The following ASIC2 variants were observed in gnomAD, a reference collection of about 807,000 sequenced individuals.
ASIC2 encodes the protein acid-sensing ion channel 2.
Under a neutral mutation model 57.3 loss-of-function variants are expected in ASIC2, and 25 were observed. The observed-to-expected ratio is 0.44, with a 90% CI of 0.32 to 0.61. The LOEUF (loss-of-function observed/expected upper bound fraction) is 0.61. Ranked by LOEUF, ASIC2 falls within the 20% of genes least tolerant of loss-of-function variation. The pLI, the probability that ASIC2 is intolerant of heterozygous loss-of-function variation, is 0.06. For missense variants in ASIC2, 641 were observed against 738.1 expected, an observed-to-expected ratio of 0.87 and a Z score of 1.52; for synonymous variants, 319 against 307.5, an observed-to-expected ratio of 1.04 and a Z score of -0.39.
At chr17:33,117,186 T>G (rs2092284548) in intron 1 of ASIC2, among the ~76,000 whole-genome samples, 1 of 151,374 alleles carries the variant, frequency 6.6e-6, no homozygotes, top group South Asian at 2.1e-4. Flanking sequence ...TTCTTCTTTT[T>G]TTTTGAGACA....
intron 3 of ASIC2, among the ~76,000 whole-genome samples, chr17:33,065,435 A>G (rs1304270409): frequency 1.3e-5 from 2 of 151,910 alleles, no homozygotes; most frequent in African/African-American, 2.4e-5. Context: ...TCAGCCTCTC[A>G]AATAGCTAGG....
At chr17:33,926,629 T>TA (rs1915827076) in intron 1 of ASIC2, among the ~76,000 whole-genome samples, 1 of 152,348 alleles carries the variant, frequency 6.6e-6, no homozygotes, top group East Asian at 1.9e-4. Context: ...ATTTTGATGC[T>TA]ACCTAAAGCA....
intron 1 of ASIC2, among the ~76,000 whole-genome samples, chr17:33,902,836 C>A (rs772357064): frequency 6.6e-6 from 1 of 152,170 alleles, no homozygotes; most frequent in East Asian, 1.9e-4. Flanking sequence ...CTGTTAAGGT[C>A]CTGCCATTTC....
rs150393231 is a variant in ASIC2, at chr17:33,593,992, T to G, written c.556-481925A>C. On this transcript the variant is annotated intron_variant, in intron 1 of 9. Transcript: ENST00000359872. ...CTAGTACTATTATTTTCTATTCAAA[T>G]TTTCATCCCTATTCCAGCCAAGTCC... is the stretch of plus-strand genomic sequence containing the variant. 1.6e-3 allele frequency among the ~76,000 whole-genome samples: 240 copies of G among 152,320 alleles called. 1 individual carries two copies. The highest frequency in any genetic ancestry group is 5.7e-3 in the African/African-American group (235 of 41,568).
At chr17:33,197,766 G>A (rs1398972032) in intron 1 of ASIC2, among the ~76,000 whole-genome samples, 2 of 152,200 alleles carry the variant, frequency 1.3e-5, no homozygotes, top group Non-Finnish European at 2.9e-5. Flanking sequence ...CTCTCCCTGG[G>A]TACTGGTTCT....
chr17:33,277,352 C>T (rs983832233), intron 1 of ASIC2, among the ~76,000 whole-genome samples: 1 of 152,164 alleles, frequency 6.6e-6, no homozygotes, highest in Non-Finnish European at 1.5e-5. Context: ...GAGTCAGAAC[C>T]GACCTGGCTT....
chr17:33,946,343 A>C (rs1299966642), intron 1 of ASIC2, among the ~76,000 whole-genome samples: 1 of 152,184 alleles, frequency 6.6e-6, no homozygotes, highest in Non-Finnish European at 1.5e-5. Context: ...CTGGAGGGAA[A>C]TCACAGTGCC....
chr17:34,016,641 T>C (rs909395432), intron 1 of ASIC2, among the ~76,000 whole-genome samples: 1 of 152,138 alleles, frequency 6.6e-6, no homozygotes, highest in African/African-American at 2.4e-5. Flanking sequence ...TAGCTATAGA[T>C]ATGCATGTGT....
chr17:34,148,663 C>A (rs962071625), intron 1 of ASIC2, among the ~76,000 whole-genome samples: 2 of 152,142 alleles, frequency 1.3e-5, no homozygotes. Context: ...TGGGCCTCAT[C>A]ATGGAGCAGG....
intron 1 of ASIC2, among the ~76,000 whole-genome samples, chr17:33,896,708 C>T (rs927373278): frequency 2.6e-5 from 4 of 152,342 alleles, no homozygotes; most frequent in African/African-American, 9.6e-5. Context: ...TTGGGCATCT[C>T]ACTAATCTGA....
chr17:33,206,977 C>T (rs1368857814), intron 1 of ASIC2, among the ~76,000 whole-genome samples: 5 of 152,164 alleles, frequency 3.3e-5, no homozygotes, highest in Non-Finnish European at 7.4e-5. Context: ...GCATCACTCC[C>T]CTGCCCTTTT....
At chr17:33,044,809 T>G (rs757076) in intron 3 of ASIC2, among the ~76,000 whole-genome samples, 60,346 of 152,070 alleles carry the variant, frequency 0.4, 12,807 homozygotes, top group Admixed American at 0.56. Context: ...TATAGTGGGG[T>G]CATAATGTCC....
intron 1 of ASIC2, among the ~76,000 whole-genome samples, chr17:33,742,791 ACCCTGTCTAC>A (rs1910149162): frequency 6.6e-6 from 1 of 152,058 alleles, no homozygotes; most frequent in African/African-American, 2.4e-5. Context: ...GATGTAAATC[ACCCTGTCTAC>A]CACTGCCTCA....
intron 1 of ASIC2, among the ~76,000 whole-genome samples, chr17:33,676,417 G>A (rs1158216663): frequency 6.6e-6 from 1 of 152,204 alleles, no homozygotes; most frequent in African/African-American, 2.4e-5. Flanking sequence ...TGAATGCAAA[G>A]GAAAAGTTCT....
chr17:33,599,453 C>T (rs1288002742), intron 1 of ASIC2, among the ~76,000 whole-genome samples: 4 of 152,154 alleles, frequency 2.6e-5, no homozygotes, highest in African/African-American at 2.4e-5. Flanking sequence ...TCCAGAATAA[C>T]GGGAGGTCAC....
At chr17:34,113,565 GA>G (rs374237773) in intron 1 of ASIC2, among the ~76,000 whole-genome samples, 2,805 of 139,262 alleles carry the variant, frequency 0.02, 63 homozygotes, top group East Asian at 0.062. Context: ...CTGTCTTAAG[GA>G]AAAAAAAAAA....
At chr17:34,054,854 C>T (rs1859220) in intron 1 of ASIC2, among the ~76,000 whole-genome samples, 79,170 of 152,020 alleles carry the variant, frequency 0.52, 23,738 homozygotes, top group African/African-American at 0.84. Context: ...ATTATGCATG[C>T]CTTCATAGTC....
At chr17:33,965,460 T>A (rs768676720) in intron 1 of ASIC2, among the ~76,000 whole-genome samples, 13 of 152,200 alleles carry the variant, frequency 8.5e-5, no homozygotes, top group Non-Finnish European at 1.6e-4. Flanking sequence ...AAGCCAAGCA[T>A]GAAAGGATGG....
intron 3 of ASIC2, among the ~76,000 whole-genome samples, chr17:33,068,498 T>C (rs2092053435): frequency 6.6e-6 from 1 of 151,876 alleles, no homozygotes; most frequent in Non-Finnish European, 1.5e-5. Flanking sequence ...GACTGTGCTA[T>C]TGCCTGGGCA....
Sources: allele counts gnomAD v4.1 joint callset (sites outside exome capture counted in the v4.1 genomes callset), GRCh38; gene constraint gnomAD v4.1.1; transcripts MANE v1.5; gene names NCBI Gene and HGNC (gene_info 2026-07-23, HGNC 2026-07-21).